The following ABCA5 variants were observed in gnomAD, a reference collection of about 807,000 sequenced individuals.
ABCA5 encodes the protein cholesterol transporter ABCA5.
Under a neutral mutation model 206.0 loss-of-function variants are expected in ABCA5, and 163 were observed. The ratio of observed to expected loss-of-function variants is 0.79; its 90% CI spans 0.70 to 0.90. The LOEUF (loss-of-function observed/expected upper bound fraction) is 0.90. ABCA5 is among the 40% of genes least tolerant of loss of function. The pLI, the probability that ABCA5 is intolerant of heterozygous loss-of-function variation, is 0.00. For missense variants in ABCA5, 1,859 were observed against 1,912.9 expected (o/e 0.97, Z 0.53); for synonymous variants, 609 against 613.8 (o/e 0.99, Z 0.11).
At chr17:69,290,121 G>A in intron 12 of ABCA5, 84 bp from the exon 13 acceptor site, 2 of 939,934 alleles carry the variant, frequency 2.1e-6, no homozygotes, top group Non-Finnish European at 3.0e-6. Context: ...TTAGTTATTT[G>A]GTTATAACAG....
intron 28 of ABCA5, among the ~76,000 whole-genome samples, chr17:69,258,982 T>G (rs760510840): frequency 6.6e-6 from 1 of 151,822 alleles, no homozygotes; most frequent in Admixed American, 6.6e-5. Context: ...GTGGAGAAAA[T>G]AGAACCCTAA....
chr17:69,326,405 G>GA lies in ABCA5; in HGVS notation c.-16+646dup, dbSNP rs1256125048. The stretch of plus-strand genomic sequence containing the variant: ...AAATCGAAGCCTGAGGAGCCCAGGG[G>GA]AAAACCTCCTTCAGCTTAATAGCTC... On this transcript the variant is annotated intron_variant, in intron 1 of 38. Coordinates refer to ENST00000392676, the MANE Select transcript of ABCA5 (RefSeq NM_172232.4). This position sits in a 1 kb window ranked among gnomAD's most constrained non-coding sequence, Gnocchi z 4.8. Among the ~76,000 whole-genome samples the GA allele has an allele frequency of 6.6e-6, 1 of 152,130 alleles. No individual in the cohort carries two copies. Among genetic ancestry groups the GA allele is most frequent in the Admixed American group, 6.5e-5 (1 of 15,270 alleles).
At chr17:69,320,898 G>T (rs1288456221) in intron 1 of ABCA5, among the ~76,000 whole-genome samples, 3 of 152,166 alleles carry the variant, frequency 2.0e-5, no homozygotes, top group African/African-American at 7.2e-5. Flanking sequence ...AGGTGCTGGG[G>T]AAAATATTTG....
intron 32 of ABCA5, 78 bp from the exon 33 acceptor site, chr17:69,253,947 T>C: frequency 8.3e-7 from 1 of 1,208,164 alleles, no homozygotes; most frequent in Non-Finnish European, 1.2e-6. Flanking sequence ...ATCCCTGATG[T>C]TGTTTTCTCT....
Position 69,313,099 on chromosome 17 carries a change from T to A in ABCA5, c.300A>T (p.Leu100=). ...SIMQKVSTDH[L]PDVIITEEYT... ...TATATAAGCTCACAATACCATCAGG[T>A]AGATGATCAGTAGACACTTTCTGCA... Residue 100 remains leucine (L), a synonymous_variant, in exon 3 of 39, where the codon CTA becomes CTT. Transcript: ENST00000392676. The A allele has an allele frequency of 6.3e-7, 1 of 1,599,494 alleles. No individual in the cohort carries two copies. The highest frequency in any genetic ancestry group is 8.5e-7 in the Non-Finnish European group (1 of 1,171,582).
At chr17:69,299,471 T>TACACATACACAC (rs1555583145) in intron 9 of ABCA5, among the ~76,000 whole-genome samples, 1 of 142,400 alleles carries the variant, frequency 7.0e-6, no homozygotes, top group Non-Finnish European at 1.5e-5. Context: ...CACACACACA[T>TACACATACACAC]ACACACACAC....
chr17:69,311,506 T>C (rs546595505), intron 3 of ABCA5, among the ~76,000 whole-genome samples: 1 of 152,212 alleles, frequency 6.6e-6, no homozygotes, highest in South Asian at 2.1e-4. Context: ...TTTTTGTTTT[T>C]GAGATATTGA....
At chr17:69,311,430 C>T (rs992621890) in intron 3 of ABCA5, among the ~76,000 whole-genome samples, 1 of 151,976 alleles carries the variant, frequency 6.6e-6, no homozygotes, top group Non-Finnish European at 1.5e-5. Context: ...TATGTATACA[C>T]TATTTTGGCA....
intron 11 of ABCA5, 104 bp from the exon 12 acceptor site, chr17:69,291,430 A>C: frequency 1.6e-6 from 1 of 608,974 alleles, no homozygotes. Flanking sequence ...ATATCTATAA[A>C]TACATATTTA....
chr17:69,255,869 T>A lies in ABCA5; in HGVS notation c.3859-19A>T. 6.6e-7 allele frequency: 1 copy of A among 1,514,470 alleles called. No homozygotes were observed. The highest frequency in any genetic ancestry group is 8.9e-7 in the Non-Finnish European group (1 of 1,120,620). 93.8% of individuals were successfully genotyped at this position (1,514,470 alleles called of 1,614,324 possible). On this transcript the variant is annotated intron_variant, in intron 29 of 38. Coordinates refer to ENST00000392676, the MANE Select transcript of ABCA5 (RefSeq NM_172232.4). Reference sequence around the variant, plus strand: ...ATGGTTTCTAATAAGAAAAATTGTATTTAAAAAGAAAGTTATAAAACTTAT... The same window carrying A: ...ATGGTTTCTAATAAGAAAAATTGTAATTAAAAAGAAAGTTATAAAACTTAT...
chr17:69,255,044 A>G (rs1018105070), intron 31 of ABCA5, among the ~76,000 whole-genome samples: 2 of 152,192 alleles, frequency 1.3e-5, no homozygotes, highest in South Asian at 2.1e-4. Context: ...AACAAAGAAA[A>G]CATCTTGGGC....
chr17:69,320,969 T>C (rs1205940712), intron 1 of ABCA5, among the ~76,000 whole-genome samples: 1 of 152,276 alleles, frequency 6.6e-6, no homozygotes, highest in Non-Finnish European at 1.5e-5. Flanking sequence ...AGATTATACC[T>C]GTCCTTTGGG....
chr17:69,263,714 TGATAAAAAGTCTC>T (rs2075176203), intron 24 of ABCA5, among the ~76,000 whole-genome samples: 1 of 148,150 alleles, frequency 6.7e-6, no homozygotes, highest in Non-Finnish European at 1.5e-5. Context: ...TTTTTTTTTT[TGATAAAAAGTCTC>T]TCTCTGTTGC....
chr17:69,286,352 C>T (rs1159457418), intron 15 of ABCA5, 41 bp from the exon 16 acceptor site: 2 of 1,520,700 alleles, frequency 1.3e-6, no homozygotes, highest in Non-Finnish European at 1.8e-6. Flanking sequence ...AAAGTATCAA[C>T]AGCATTAATA....
Position 69,268,159 on chromosome 17 carries a change from A to G in ABCA5, c.3031-103T>C. 8.6e-6 allele frequency: 5 copies of G among 579,884 alleles called. No homozygotes were observed. The South Asian group carries it at 1.3e-4, about 15-fold the overall frequency. The allele number at this position is 579,884 out of a possible 1,614,324, so 35.9% of individuals were successfully genotyped here. A position where few individuals can be genotyped will look rare whatever the true frequency, so the allele number is the denominator to read the frequency against. On this transcript the variant is annotated intron_variant, in intron 22 of 38. Transcript: ENST00000392676. ...TATCAAAAAAAAATCAAAACCTCAG[A>G]AAGAATGTATTAGAATATCTAACCC...
intron 10 of ABCA5, among the ~76,000 whole-genome samples, chr17:69,296,385 C>T (rs1232085289): frequency 2.0e-5 from 3 of 151,840 alleles, no homozygotes; most frequent in Admixed American, 2.0e-4. Flanking sequence ...TTTTCTTTCA[C>T]CTAATTTTAT....
rs750509462 is a variant in ABCA5, at chr17:69,264,775, T to A, written c.3275A>T (p.His1092Leu). 6.3e-7 allele frequency: 1 copy of A among 1,589,480 alleles called. No individual in the cohort carries two copies. The highest frequency in any genetic ancestry group is 8.6e-7 in the Non-Finnish European group (1 of 1,169,538). The change falls in exon 24 of 39, where the codon CAT (histidine) becomes CTT (leucine). Residue 1092 changes from histidine to leucine, a missense_variant. Transcript: ENST00000392676. ...ILMLGSLLAF[H>L]YGLYFYTVKF... Reference sequence around the variant, plus strand: ...TACAGTATAAAAATATAATCCATAATGAAATGCCAATAAGCTTCCTAGCAT... The same window carrying A: ...TACAGTATAAAAATATAATCCATAAAGAAATGCCAATAAGCTTCCTAGCAT...
rs1456083914 is a variant in ABCA5 at position 69,245,748 on chromosome 17, A to G, written c.*1789T>C. The G allele has an allele frequency of 6.6e-6, 1 of 152,010 alleles. No homozygotes were observed. The allele number at this position is 152,010 out of a possible 1,614,324, so 9.4% of individuals were successfully genotyped here. The stretch of plus-strand genomic sequence containing the variant: ...TACTCAACTTTCACTTTGCAGGAAA[A>G]AAAATTTACTTTGCACCAATTACAC... On this transcript the variant is annotated 3_prime_UTR_variant, in exon 39 of 39. Coordinates refer to ENST00000392676, the MANE Select transcript of ABCA5 (RefSeq NM_172232.4).
chr17:69,291,082 A>G (rs1205335106), intron 12 of ABCA5, 134 bp downstream of exon 12: 9 of 474,400 alleles, frequency 1.9e-5, no homozygotes, highest in Non-Finnish European at 3.3e-5. Context: ...AAAAACAACC[A>G]CATGTGTATA....
Sources: allele counts gnomAD v4.1 joint callset (sites outside exome capture counted in the v4.1 genomes callset), GRCh38; gene constraint gnomAD v4.1.1; non-coding constraint Gnocchi (gnomAD v3.1); transcripts MANE v1.5; gene names NCBI Gene and HGNC (gene_info 2026-07-23, HGNC 2026-07-21).